TMPRSS11D: variants seen among roughly 807,000 people sequenced by gnomAD.
The protein encoded by TMPRSS11D is transmembrane serine protease 11D, also known as transmembrane protease serine 11D.
In TMPRSS11D, 32 loss-of-function variants were observed where a neutral mutation model predicts 44.4. That is an observed-to-expected ratio of 0.72 (90% CI 0.54 to 0.97). TMPRSS11D has a LOEUF of 0.97. TMPRSS11D is among the 50% of genes least tolerant of loss of function. The pLI, the probability that TMPRSS11D is intolerant of heterozygous loss-of-function variation, is 0.00. For missense variants in TMPRSS11D, 446 were observed against 502.6 expected, an observed-to-expected ratio of 0.89 and a Z score of 1.08; for synonymous variants, 179 against 177.9, an observed-to-expected ratio of 1.01 and a Z score of -0.05.
intron 1 of TMPRSS11D, among the ~76,000 whole-genome samples, chr4:67,878,250 T>C (rs918696954): frequency 1.3e-5 from 2 of 152,238 alleles, no homozygotes; most frequent in African/African-American, 4.8e-5. Context: ...AATACTTATT[T>C]CAGTGTCATC....
chr4:67,840,373 A>G (rs1287795398), intron 4 of TMPRSS11D, among the ~76,000 whole-genome samples: 1 of 152,046 alleles, frequency 6.6e-6, no homozygotes, highest in African/African-American at 2.4e-5. Flanking sequence ...TCCCTCCCAC[A>G]ACATGTGGGT....
intron 2 of TMPRSS11D, among the ~76,000 whole-genome samples, chr4:67,858,965 A>G (rs1488782795): frequency 6.6e-6 from 1 of 152,142 alleles, no homozygotes; most frequent in Non-Finnish European, 1.5e-5. Context: ...AAACAAAACA[A>G]AAGAGACAAC....
intron 3 of TMPRSS11D, among the ~76,000 whole-genome samples, chr4:67,846,528 G>A (rs1165935686): frequency 6.6e-6 from 1 of 152,088 alleles, no homozygotes; most frequent in African/African-American, 2.4e-5. Flanking sequence ...CTGGCCCCAT[G>A]TGCATGAAGT....
intron 9 of TMPRSS11D, among the ~76,000 whole-genome samples, chr4:67,825,463 A>T (rs1222423113): frequency 6.6e-6 from 1 of 152,116 alleles, no homozygotes; most frequent in African/African-American, 2.4e-5. Flanking sequence ...ACTTGGTAAT[A>T]GAGGTTAAGG....
chr4:67,882,682 G>A (rs1440014345), intron 1 of TMPRSS11D, among the ~76,000 whole-genome samples: 1 of 152,018 alleles, frequency 6.6e-6, no homozygotes, highest in Admixed American at 6.5e-5. Context: ...ATTTTAAAAT[G>A]CACTATATTA....
intron 1 of TMPRSS11D, among the ~76,000 whole-genome samples, chr4:67,870,586 G>A (rs575841348): frequency 2.6e-5 from 4 of 151,886 alleles, no homozygotes; most frequent in Non-Finnish European, 5.9e-5. Flanking sequence ...AGGCTGAGGC[G>A]GGCGGATCAC....
At chr4:67,834,828 A>G (rs1277438235) in intron 6 of TMPRSS11D, among the ~76,000 whole-genome samples, 1 of 152,142 alleles carries the variant, frequency 6.6e-6, no homozygotes, top group Non-Finnish European at 1.5e-5. Context: ...AATTTTCATG[A>G]GGGCAATTTT....
chr4:67,880,769 A>ATC (rs552417272), intron 1 of TMPRSS11D, among the ~76,000 whole-genome samples: 228 of 152,174 alleles, frequency 1.5e-3, no homozygotes, highest in African/African-American at 5.0e-3. Flanking sequence ...GAATACAGGG[A>ATC]ATACTTGTAC....
intron 1 of TMPRSS11D, among the ~76,000 whole-genome samples, chr4:67,872,605 A>G (rs143482688): frequency 2.6e-5 from 4 of 152,300 alleles, no homozygotes; most frequent in Non-Finnish European, 4.4e-5. Context: ...CTGTTTTATA[A>G]TTTTATTTCA....
At chr4:67,858,985 T>G (rs940329240) in intron 2 of TMPRSS11D, among the ~76,000 whole-genome samples, 3 of 152,120 alleles carry the variant, frequency 2.0e-5, no homozygotes, top group Non-Finnish European at 4.4e-5. Context: ...CTAAAGAACA[T>G]AATGTTTTAA....
intron 1 of TMPRSS11D, among the ~76,000 whole-genome samples, chr4:67,871,149 A>T (rs1271931546): frequency 8.4e-5 from 1 of 11,836 alleles, no homozygotes; most frequent in Admixed American, 1.9e-3. Flanking sequence ...AAGGAAGGTG[A>T]TGAATACCAA....
At chr4:67,839,301 A>C (rs1192577676) in intron 4 of TMPRSS11D, among the ~76,000 whole-genome samples, 1 of 152,296 alleles carries the variant, frequency 6.6e-6, no homozygotes, top group African/African-American at 2.4e-5. Flanking sequence ...AGAAACAGGC[A>C]CTGAACAAAT....
At chr4:67,842,688 A>G (rs1718261968) in intron 3 of TMPRSS11D, 63 bp from the exon 4 acceptor site, 1 of 1,429,056 alleles carries the variant, frequency 7.0e-7, no homozygotes, top group Admixed American at 1.9e-5. Flanking sequence ...CTTCCTCTCA[A>G]CCTTGCAACA....
At chr4:67,849,324 T>C (rs1455142139) in intron 3 of TMPRSS11D, among the ~76,000 whole-genome samples, 1 of 152,164 alleles carries the variant, frequency 6.6e-6, no homozygotes, top group African/African-American at 2.4e-5. Flanking sequence ...ATCAAGCTGG[T>C]AACTAGAGTA....
chr4:67,843,311 A>G (rs1214368895), intron 3 of TMPRSS11D, among the ~76,000 whole-genome samples: 1 of 152,050 alleles, frequency 6.6e-6, no homozygotes, highest in African/African-American at 2.4e-5. Context: ...GTGATGGTTA[A>G]TGGGTAGAAA....
intron 9 of TMPRSS11D, among the ~76,000 whole-genome samples, chr4:67,823,505 CAT>C (rs1415346512): frequency 2.0e-5 from 3 of 152,132 alleles, no homozygotes; most frequent in African/African-American, 7.2e-5. Context: ...TCTGTTTCCT[CAT>C]ATAATGTTTG....
intron 1 of TMPRSS11D, among the ~76,000 whole-genome samples, chr4:67,883,002 C>T (rs1295583119): frequency 1.3e-5 from 2 of 151,886 alleles, no homozygotes; most frequent in Non-Finnish European, 2.9e-5. Flanking sequence ...GCTTAGACAG[C>T]TATCCACTTT....
chr4:67,862,470 T>C (rs1718813287), intron 1 of TMPRSS11D, among the ~76,000 whole-genome samples: 1 of 152,068 alleles, frequency 6.6e-6, no homozygotes, highest in South Asian at 2.1e-4. Context: ...CTGACCTCAC[T>C]TGGGGGAAGC....
intron 4 of TMPRSS11D, 33 bp downstream of exon 4, chr4:67,842,525 A>G (rs1421556183): frequency 1.9e-6 from 3 of 1,576,122 alleles, no homozygotes; most frequent in Admixed American, 1.7e-5. Context: ...CATTGTATCT[A>G]TACTTAAATA....
Sources: allele counts gnomAD v4.1 joint callset (sites outside exome capture counted in the v4.1 genomes callset), GRCh38; gene constraint gnomAD v4.1.1; transcripts MANE v1.5; gene names NCBI Gene and HGNC (gene_info 2026-07-23, HGNC 2026-07-21).